The following HAUS7 variants were observed in gnomAD, a reference collection of about 807,000 sequenced individuals.
HAUS7 encodes the protein HAUS augmin-like complex subunit 7.
HAUS7 carries 3 observed loss-of-function variants against 28.4 expected under a neutral mutation model. That is an observed-to-expected ratio of 0.11 (90% CI 0.05 to 0.27). The LOEUF (loss-of-function observed/expected upper bound fraction) is 0.27, where lower values mean the gene tolerates loss of function less well. Ranked by LOEUF, HAUS7 falls within the 10% of genes least tolerant of loss-of-function variation. The pLI is 1.00. For missense variants in HAUS7, 284 were observed against 297.3 expected (o/e 0.96, Z 0.33); for synonymous variants, 165 against 132.1 (o/e 1.25, Z -1.71).
chrX:153,469,196 C>G lies in HAUS7; in HGVS notation c.174G>C (p.Leu58=). The G allele has an allele frequency of 8.3e-7, 1 of 1,199,789 alleles. No individual in the cohort carries two copies. Among genetic ancestry groups the G allele is most frequent in the East Asian group, 3.0e-5 (1 of 33,833 alleles). ...ITEPKTIQEL[L]CSPSEYRLEI... is the part of the protein sequence containing the mutation. ...CCAAGCGGTACTCTGAGGGGCTGCACAGCAGTTCCTGAATTGTCTTTGGCT... is the reference window on the plus strand; with the variant it reads ...CCAAGCGGTACTCTGAGGGGCTGCAGAGCAGTTCCTGAATTGTCTTTGGCT... Residue 58 remains leucine, a synonymous_variant, in exon 2 of 10, where the codon CTG becomes CTC. Coordinates refer to ENST00000370211, the MANE Select transcript of HAUS7 (RefSeq NM_001385482.1).
intron 1 of HAUS7, chrX:153,481,552 T>C: frequency 1.3e-6 from 1 of 756,527 alleles, no homozygotes; most frequent in Non-Finnish European, 1.6e-6. Context: ...GCCGGCCTCG[T>C]GCCTCCTGGC....
upstream of HAUS7, among the ~76,000 whole-genome samples, chrX:153,473,220 G>A (rs782644737): frequency 9.8e-5 from 11 of 112,704 alleles, no homozygotes; most frequent in Admixed American, 7.4e-4. Context: ...ACGGTGCAGC[G>A]GGAATCAACC....
chrX:153,485,831 C>A lies in HAUS7; in HGVS notation c.-589+9543G>T, dbSNP rs782200696. 85 of 901,849 alleles carry A rather than the reference C, an allele frequency of 9.4e-5. No homozygotes were observed. In the South Asian group the frequency reaches 2.0e-3, roughly 21 times the overall value. The allele number at this position is 901,849 out of a possible 1,213,427, so 74.3% of individuals were successfully genotyped here. On this transcript the variant is annotated intron_variant, in intron 1 of 5. Transcript: ENST00000370210. Reference sequence around the variant, plus strand: ...GGTGCACGTGCCCCGCTTCCTGCCGCGGGGCCTGAGGCGCCTGACGCTGCA... The same window carrying A: ...GGTGCACGTGCCCCGCTTCCTGCCGAGGGGCCTGAGGCGCCTGACGCTGCA...
intron 4 of HAUS7, among the ~76,000 whole-genome samples, chrX:153,459,738 G>A (rs1199995562): frequency 4.4e-5 from 5 of 112,381 alleles, no homozygotes; most frequent in Admixed American, 9.4e-5. Flanking sequence ...TGCGGAGGAC[G>A]GGCACAATGG....
intron 4 of HAUS7, among the ~76,000 whole-genome samples, chrX:153,457,442 AC>A (rs1243417830): frequency 8.8e-6 from 1 of 113,216 alleles, no homozygotes; most frequent in African/African-American, 3.2e-5. Flanking sequence ...TGATGCTGGG[AC>A]CACACGCCAG....
In HAUS7 at chrX:153,457,234, C is replaced by A; in HGVS notation, c.355-6G>T. The A allele has an allele frequency of 4.4e-6, 5 of 1,136,167 alleles. No individual in the cohort carries two copies. The highest frequency in any genetic ancestry group is 6.0e-6 in the Non-Finnish European group (5 of 826,907). 93.6% of individuals were successfully genotyped at this position (1,136,167 alleles called of 1,213,427 possible). A position where few individuals can be genotyped will look rare whatever the true frequency, so the allele number is the denominator to read the frequency against. ...TTCTGGGCGCAGGCACAGCCCTGGG[C>A]AAGGAAGACCACAGACATTCACTGG... On this transcript the variant is annotated splice_polypyrimidine_tract_variant and splice_region_variant and intron_variant, in intron 4 of 9. Coordinates refer to ENST00000370211, the MANE Select transcript of HAUS7 (RefSeq NM_001385482.1).
At chrX:153,485,934 A>T (rs1437525421) in intron 1 of HAUS7, 1 of 966,035 alleles carries the variant, frequency 1.0e-6, no homozygotes, top group African/African-American at 2.0e-5. Context: ...CACCTGTCCC[A>T]CAACAGGCTG....
At position 153,466,582 on chromosome X, in the gene HAUS7, C is replaced by A. The variant is rs972456057; in HGVS notation, c.225-1527G>T. On this transcript the variant is annotated intron_variant, in intron 2 of 9. Transcript: ENST00000370211. ...GGCCCTAAATGGGGCTGACAGGGTG[C>A]GGTCACGTACAAAGAAAGGCAATGG... Among the ~76,000 whole-genome samples the A allele has an allele frequency of 4.5e-5, 5 of 111,917 alleles. No homozygotes were observed. The Admixed American group carries it at 4.7e-4, about 11-fold the overall frequency.
rs2089299213 is a variant in HAUS7 at position 153,455,747 on chromosome X, T to C, written c.725A>G (p.Gln242Arg). The change falls in exon 8 of 10, where the codon CAA becomes CGA. Residue 242 changes from glutamine to arginine, a missense_variant. By Grantham distance (43) the Gln-to-Arg change is conservative. Transcript: ENST00000370211. ...LRTEYFAQHE[Q>R]GAAAGAADIS... Reference sequence around the variant, plus strand: ...GTCGGCTGCGCCCGCAGCAGCCCCTTGCTCATGCTGTGCAAAGTACTGCAA... The same window carrying C: ...GTCGGCTGCGCCCGCAGCAGCCCCTCGCTCATGCTGTGCAAAGTACTGCAA... The C allele has an allele frequency of 8.4e-7, 1 of 1,192,154 alleles. No individual in the cohort carries two copies. Among genetic ancestry groups the C allele is most frequent in the Non-Finnish European group, 1.1e-6 (1 of 879,439 alleles).
At chrX:153,457,043 A>C (rs1213761077) in intron 5 of HAUS7, 94 bp downstream of exon 5, 1 of 598,904 alleles carries the variant, frequency 1.7e-6, no homozygotes, top group East Asian at 3.4e-5. Context: ...AGCCAGCATC[A>C]GAGGGGGAGT....
At chrX:153,471,798 C>T (rs782715656), upstream of HAUS7, among the ~76,000 whole-genome samples, 7 of 111,943 alleles carry the variant, frequency 6.3e-5, no homozygotes, top group African/African-American at 1.3e-4. Context: ...GGCAGGAGTC[C>T]GGGGGTCACA....
intron 1 of HAUS7, among the ~76,000 whole-genome samples, chrX:153,493,583 A>C (rs1156448725): frequency 1.8e-5 from 2 of 112,406 alleles, no homozygotes; most frequent in Non-Finnish European, 3.8e-5. Context: ...AGAGAGAACC[A>C]GGGTTACCAG....
chrX:153,477,716 C>T (rs1313429087), intron 1 of HAUS7, among the ~76,000 whole-genome samples: 1 of 112,632 alleles, frequency 8.9e-6, no homozygotes, highest in Non-Finnish European at 1.9e-5. Flanking sequence ...TGGCCTCATC[C>T]CTGACTCCAG....
chrX:153,492,720 G>A (rs1293209443), intron 1 of HAUS7, among the ~76,000 whole-genome samples: 2 of 106,829 alleles, frequency 1.9e-5, no homozygotes, highest in Non-Finnish European at 3.8e-5. Flanking sequence ...TGGCTCCCCT[G>A]TGTCTCCCCA....
intron 4 of HAUS7, chrX:153,462,335 T>C (rs1420219710): frequency 1.0e-5 from 3 of 290,605 alleles, no homozygotes; most frequent in Non-Finnish European, 1.4e-5. Context: ...ATCCCACTGG[T>C]CATCAGAAGC....
intron 1 of HAUS7, among the ~76,000 whole-genome samples, chrX:153,469,757 C>G: frequency 8.9e-6 from 1 of 112,302 alleles, no homozygotes; most frequent in Non-Finnish European, 1.9e-5. Flanking sequence ...CTTTCAAGTA[C>G]TCCCACTCTG....
chrX:153,468,426 G>A (rs1331079505), intron 2 of HAUS7, among the ~76,000 whole-genome samples: 1 of 112,651 alleles, frequency 8.9e-6, no homozygotes, highest in Non-Finnish European at 1.9e-5. Context: ...TGTGGGAGGC[G>A]GGGAAAGCCT....
At chrX:153,461,525 C>CA (rs1330223749) in intron 4 of HAUS7, 46 of 104,775 alleles carry the variant, frequency 4.4e-4, no homozygotes, top group East Asian at 1.5e-3. Flanking sequence ...CAAAACAAAA[C>CA]AAAAAAAAAA....
At chrX:153,458,584 A>G (rs1375824976) in intron 4 of HAUS7, among the ~76,000 whole-genome samples, 3 of 112,379 alleles carry the variant, frequency 2.7e-5, no homozygotes, top group African/African-American at 9.7e-5. Flanking sequence ...GTGTGCATGT[A>G]TATTTTCACT....
Sources: gnomAD v4.1 joint callset for allele counts (sites outside exome capture counted in the v4.1 genomes callset) on GRCh38, gnomAD v4.1.1 for gene constraint, MANE v1.5 for transcripts, NCBI Gene and HGNC (gene_info 2026-07-23, HGNC 2026-07-21) for gene names.